Variants in NEK10 observed in about 807,000 individuals in gnomAD.
NEK10 encodes the protein serine/threonine-protein kinase Nek10.
Under a neutral mutation model 159.8 loss-of-function variants are expected in NEK10, and 122 were observed. The observed-to-expected ratio is 0.76, with a 90% CI of 0.66 to 0.89. The LOEUF (loss-of-function observed/expected upper bound fraction) is 0.89. Ranked by LOEUF, NEK10 falls within the 40% of genes least tolerant of loss-of-function variation. NEK10 has a pLI of 0.00. For synonymous variants in NEK10, 466 were observed against 457.1 expected (o/e 1.02, Z -0.25); for missense variants, 1,342 against 1,323.1 (o/e 1.01, Z -0.22).
chr3:27,271,145 TATCTTCTATCTATCTA>T (rs2041312010), intron 22 of NEK10, among the ~76,000 whole-genome samples: 1 of 143,364 alleles, frequency 7.0e-6, no homozygotes, highest in Non-Finnish European at 1.5e-5. Context: ...TCCATCTATC[TATCTTCTATCTATCTA>T]TCTATCTATC....
intron 7 of NEK10, among the ~76,000 whole-genome samples, chr3:27,312,848 AT>A (rs1239313454): frequency 6.6e-6 from 1 of 152,218 alleles, no homozygotes; most frequent in Non-Finnish European, 1.5e-5. Context: ...AAAACAAAAA[AT>A]AAACATGAAT....
intron 23 of NEK10, among the ~76,000 whole-genome samples, chr3:27,230,335 CT>C (rs961349090): frequency 1.3e-5 from 2 of 152,032 alleles, no homozygotes; most frequent in African/African-American, 4.8e-5. Context: ...GAATTTGCCA[CT>C]ACGAAACTAG....
intron 26 of NEK10, among the ~76,000 whole-genome samples, chr3:27,179,309 T>G (rs942905075): frequency 3.9e-5 from 6 of 152,156 alleles, no homozygotes; most frequent in Non-Finnish European, 7.3e-5. Flanking sequence ...AGCTAAAAAT[T>G]TTACTGTCAT....
intron 11 of NEK10, among the ~76,000 whole-genome samples, chr3:27,305,333 G>A (rs968942471): frequency 3.3e-5 from 5 of 152,102 alleles, no homozygotes; most frequent in Admixed American, 1.3e-4. Flanking sequence ...TTATAGGCTC[G>A]TTGCATCATC....
chr3:27,312,567 T>C (rs1463360136), intron 7 of NEK10, among the ~76,000 whole-genome samples: 2 of 152,088 alleles, frequency 1.3e-5, no homozygotes, highest in African/African-American at 2.4e-5. Context: ...TTATAATACA[T>C]TGTATATATT....
rs1225618103 is a variant in NEK10, at chr3:27,109,472, G to A, written c.*1800C>T. The stretch of plus-strand genomic sequence containing the variant: ...TATATACACTTTAAAACATCTTCAA[G>A]TAAACCATTTATCTTCCCTTACCAC... On this transcript the variant is annotated 3_prime_UTR_variant, in exon 36 of 36. Coordinates refer to ENST00000691995, the MANE Select transcript of NEK10 (RefSeq NM_001394966.1). Among the ~76,000 whole-genome samples, 1 of 150,266 alleles carries A rather than the reference G, an allele frequency of 6.7e-6. No individual in the cohort carries two copies. The highest frequency in any genetic ancestry group is 1.5e-5 in the Non-Finnish European group (1 of 67,706).
intron 29 of NEK10, among the ~76,000 whole-genome samples, chr3:27,167,772 A>G: frequency 6.6e-6 from 1 of 152,210 alleles, no homozygotes; most frequent in Admixed American, 6.5e-5. Context: ...GCCATTAACT[A>G]TATTCCTTAA....
intron 1 of NEK10, chr3:27,367,448 A>G (rs2049178606): frequency 1.3e-5 from 2 of 152,248 alleles, no homozygotes. Context: ...TGTGAATTGA[A>G]GTAGTTTCCA....
chr3:27,338,129 TC>T (rs934416184), intron 5 of NEK10, among the ~76,000 whole-genome samples: 1 of 152,140 alleles, frequency 6.6e-6, no homozygotes, highest in Admixed American at 6.6e-5. Flanking sequence ...GATCTTCCGC[TC>T]CCTGTGTCCA....
chr3:27,135,945 A>G (rs1223599408), intron 31 of NEK10, among the ~76,000 whole-genome samples: 5 of 152,078 alleles, frequency 3.3e-5, no homozygotes, highest in Non-Finnish European at 7.4e-5. Flanking sequence ...AAAACACAGA[A>G]CGTTTCACCA....
intron 5 of NEK10, among the ~76,000 whole-genome samples, chr3:27,335,824 A>G (rs1016703955): frequency 1.3e-5 from 2 of 152,244 alleles, no homozygotes; most frequent in Non-Finnish European, 2.9e-5. Context: ...ATGAATGTGG[A>G]AACACGACAT....
intron 9 of NEK10, chr3:27,310,684 A>G (rs946018327): frequency 3.0e-6 from 1 of 328,762 alleles, no homozygotes; most frequent in African/African-American, 2.1e-5. Flanking sequence ...TTCAAATAAT[A>G]TTTAAGTAAT....
intron 32 of NEK10, among the ~76,000 whole-genome samples, chr3:27,128,002 G>A (rs1942167283): frequency 6.6e-6 from 1 of 152,016 alleles, no homozygotes; most frequent in Non-Finnish European, 1.5e-5. Context: ...CATTAAACAT[G>A]TTCTGTTGTC....
intron 22 of NEK10, among the ~76,000 whole-genome samples, chr3:27,275,991 T>G (rs1283212733): frequency 2.0e-5 from 3 of 152,106 alleles, no homozygotes; most frequent in Non-Finnish European, 4.4e-5. Flanking sequence ...ACATTAATAT[T>G]CAACTCCTCT....
chr3:27,281,241 TA>T (rs1224358121), intron 22 of NEK10, among the ~76,000 whole-genome samples: 2 of 151,958 alleles, frequency 1.3e-5, no homozygotes, highest in African/African-American at 4.8e-5. Context: ...AAAAAGATTC[TA>T]AAAATGAAAA....
chr3:27,229,593 G>A (rs1953011708), intron 23 of NEK10, among the ~76,000 whole-genome samples: 1 of 151,842 alleles, frequency 6.6e-6, no homozygotes, highest in African/African-American at 2.4e-5. Context: ...AACAGAGGAA[G>A]GTTAAAACCA....
At chr3:27,167,448 A>T (rs767759398) in intron 29 of NEK10, among the ~76,000 whole-genome samples, 1 of 152,226 alleles carries the variant, frequency 6.6e-6, no homozygotes, top group Admixed American at 6.5e-5. Flanking sequence ...GTCGTAAAAC[A>T]ATGACTAAAT....
chr3:27,148,525 T>C (rs868663418), intron 30 of NEK10, among the ~76,000 whole-genome samples: 1 of 152,218 alleles, frequency 6.6e-6, no homozygotes, highest in Non-Finnish European at 1.5e-5. Flanking sequence ...CTTCTTATAA[T>C]TGGCCCTTCT....
intron 30 of NEK10, among the ~76,000 whole-genome samples, chr3:27,156,966 ATATATATATATATG>A: frequency 1.6e-5 from 2 of 124,068 alleles, no homozygotes; most frequent in African/African-American, 5.9e-5. Flanking sequence ...ATATATATAT[ATATATATATATATG>A]ATGAAATACT....
Sources: gnomAD v4.1 joint callset for allele counts (sites outside exome capture counted in the v4.1 genomes callset) on GRCh38, gnomAD v4.1.1 for gene constraint, MANE v1.5 for transcripts, NCBI Gene and HGNC (gene_info 2026-07-23, HGNC 2026-07-21) for gene names.